The following GNB1L variants were observed in gnomAD, a reference collection of about 807,000 sequenced individuals.
GNB1L encodes the protein G protein subunit beta 1 like, also known as guanine nucleotide-binding protein subunit beta-like protein 1.
In GNB1L, 20 loss-of-function variants were observed where a neutral mutation model predicts 29.1. The observed-to-expected ratio is 0.69, with a 90% CI of 0.48 to 1.00. The LOEUF is 1.00. Among genes scored for constraint, GNB1L ranks in the 50% least tolerant of loss-of-function variants. GNB1L has a pLI of 0.00. For missense variants in GNB1L, 421 were observed against 464.9 expected (o/e 0.91, Z 0.87); for synonymous variants, 193 against 206.5 (o/e 0.93, Z 0.56).
intron 3 of GNB1L, 92 bp downstream of exon 3, chr22:19,821,136 C>T: frequency 7.5e-7 from 1 of 1,331,616 alleles, no homozygotes; most frequent in Non-Finnish European, 1.0e-6. Flanking sequence ...GCCCCTTGGC[C>T]AGCACCCTCA....
At chr22:19,798,115 C>A (rs1336566981) in intron 7 of GNB1L, among the ~76,000 whole-genome samples, 1 of 151,698 alleles carries the variant, frequency 6.6e-6, no homozygotes, top group Non-Finnish European at 1.5e-5. Flanking sequence ...CCTACCTCCC[C>A]ACTTGGCTCC....
intron 2 of GNB1L, chr22:19,850,460 C>T (rs547437399): frequency 7.0e-6 from 7 of 1,002,648 alleles, no homozygotes; most frequent in South Asian, 9.3e-5. Context: ...ACACCAGGCA[C>T]GATTAGAGCT....
intron 2 of GNB1L, among the ~76,000 whole-genome samples, chr22:19,830,072 C>T (rs937412518): frequency 3.3e-5 from 5 of 152,092 alleles, no homozygotes; most frequent in Non-Finnish European, 5.9e-5. Flanking sequence ...TAGTGGTACA[C>T]GCCTGTAGTC....
intron 2 of GNB1L, among the ~76,000 whole-genome samples, chr22:19,845,979 C>T (rs1444662320): frequency 7.2e-5 from 11 of 152,198 alleles, no homozygotes; most frequent in African/African-American, 1.2e-4. Flanking sequence ...AGAGAGCAGG[C>T]GGGTAGGCCA....
chr22:19,805,520 C>T lies in GNB1L; in HGVS notation c.516+1139G>A, dbSNP rs573174987. 6.0e-4 allele frequency among the ~76,000 whole-genome samples: 91 copies of T among 151,858 alleles called. No individual in the cohort carries two copies. The South Asian group carries it at 0.018, about 31-fold the overall frequency. Reference sequence around the variant, plus strand: ...TGCCTGGGCCGGGCGCGGTGGCTCACGCCTGTAATCCCAGCACTTTGGGAG... The same window carrying T: ...TGCCTGGGCCGGGCGCGGTGGCTCATGCCTGTAATCCCAGCACTTTGGGAG... On this transcript the variant is annotated intron_variant, in intron 6 of 7. Transcript: ENST00000329517.
chr22:19,841,901 A>G (rs539953679), intron 2 of GNB1L, among the ~76,000 whole-genome samples: 1 of 152,272 alleles, frequency 6.6e-6, no homozygotes, highest in Non-Finnish European at 1.5e-5. Context: ...TAATTTCTCT[A>G]TGAAGTAGCA....
chr22:19,788,652 G>A lies in GNB1L; in HGVS notation c.*57C>T, dbSNP rs757033818. 17 of 1,609,056 alleles carry A rather than the reference G, an allele frequency of 1.1e-5. No individual in the cohort carries two copies. The highest frequency in any genetic ancestry group is 1.0e-4 in the Admixed American group (6 of 59,996). ...CTTGAGGTTTCAGGCCAAGGCTGGG[G>A]CCTGATGCCCACCTCCCTGCCCGCC... On this transcript the variant is annotated 3_prime_UTR_variant, in exon 8 of 8. Transcript: ENST00000329517.
intron 2 of GNB1L, chr22:19,847,923 T>C (rs1938004670): frequency 2.0e-6 from 2 of 984,998 alleles, no homozygotes; most frequent in Non-Finnish European, 2.4e-6. Context: ...ATACATGGCT[T>C]TACTATTTTC....
Position 19,788,744 on chromosome 22 carries a change from G to T in GNB1L, c.949C>A (p.Arg317=). The change falls in exon 8 of 8, where the codon CGG becomes AGG. Residue 317 remains arginine, a synonymous_variant. Transcript: ENST00000329517. ...GLLAAGSKDQ[R]ISLWSLYPRA ...GGGTAGAGTGACCAGAGGCTGATCC[G>T]CTGATCCTTGGAGCCCGCGGCCAGC... 2 of 1,611,288 alleles carry T rather than the reference G, an allele frequency of 1.2e-6. No individual in the cohort carries two copies. The highest frequency in any genetic ancestry group is 1.7e-6 in the Non-Finnish European group (2 of 1,178,790).
chr22:19,806,624 C>A, intron 6 of GNB1L, 35 bp downstream of exon 6: 1 of 1,352,320 alleles, frequency 7.4e-7, no homozygotes, highest in Non-Finnish European at 1.1e-6. Flanking sequence ...GTGGGTGTGG[C>A]CGGCAGGGCG....
At chr22:19,851,239 G>A (rs747622018) in intron 2 of GNB1L, 2 of 1,603,614 alleles carry the variant, frequency 1.2e-6, no homozygotes, top group Non-Finnish European at 1.7e-6. Context: ...GGGTACCTAA[G>A]GACACCTCCT....
chr22:19,838,081 G>A (rs559301679), intron 2 of GNB1L, among the ~76,000 whole-genome samples: 1 of 152,228 alleles, frequency 6.6e-6, no homozygotes, highest in African/African-American at 2.4e-5. Flanking sequence ...TTGTCAAACT[G>A]TCCACTTGAA....
intron 5 of GNB1L, among the ~76,000 whole-genome samples, chr22:19,808,578 C>T (rs1349269351): frequency 6.6e-6 from 1 of 152,204 alleles, no homozygotes; most frequent in Non-Finnish European, 1.5e-5. Flanking sequence ...GAAGCTCTAG[C>T]CACATGGAAA....
At chr22:19,835,111 T>A (rs1423019832) in intron 2 of GNB1L, among the ~76,000 whole-genome samples, 1 of 151,892 alleles carries the variant, frequency 6.6e-6, no homozygotes, top group Non-Finnish European at 1.5e-5. Flanking sequence ...TCAAAATGCA[T>A]GAAGAAAAAA....
At chr22:19,811,142 G>A (rs1029975023) in intron 5 of GNB1L, among the ~76,000 whole-genome samples, 22 of 152,224 alleles carry the variant, frequency 1.4e-4, no homozygotes, top group African/African-American at 5.1e-4. Flanking sequence ...CAAGAAAAGT[G>A]TATGTAGCTC....
chr22:19,836,702 G>A (rs896894550), intron 2 of GNB1L, among the ~76,000 whole-genome samples: 3 of 152,144 alleles, frequency 2.0e-5, no homozygotes, highest in Admixed American at 6.5e-5. Context: ...TAATCCAACA[G>A]TGTAGAAAAA....
chr22:19,837,333 G>A (rs1020204946), intron 2 of GNB1L, among the ~76,000 whole-genome samples: 4 of 152,184 alleles, frequency 2.6e-5, no homozygotes, highest in African/African-American at 9.7e-5. Context: ...TTCAAATGAT[G>A]TATATGGCAG....
intron 2 of GNB1L, among the ~76,000 whole-genome samples, chr22:19,837,394 C>T (rs1342264881): frequency 6.6e-6 from 1 of 152,182 alleles, no homozygotes; most frequent in Non-Finnish European, 1.5e-5. Context: ...GGAAAACACA[C>T]TCACAAAATA....
At chr22:19,825,267 C>T (rs894112828) in intron 2 of GNB1L, among the ~76,000 whole-genome samples, 2 of 152,242 alleles carry the variant, frequency 1.3e-5, no homozygotes, top group African/African-American at 4.8e-5. Flanking sequence ...CACCCCTTTA[C>T]ACCAGGACGG....
Sources: gnomAD v4.1 joint callset for allele counts (sites outside exome capture counted in the v4.1 genomes callset) on GRCh38, gnomAD v4.1.1 for gene constraint, MANE v1.5 for transcripts, NCBI Gene and HGNC (gene_info 2026-07-23, HGNC 2026-07-21) for gene names.